ZNF385D: variants seen among roughly 807,000 people sequenced by gnomAD.
ZNF385D encodes zinc finger protein 659.
Under a neutral mutation model 35.8 loss-of-function variants are expected in ZNF385D, and 15 were observed. That is an observed-to-expected ratio of 0.42 (90% CI 0.28 to 0.64). The LOEUF (loss-of-function observed/expected upper bound fraction) is 0.64, where lower values mean the gene tolerates loss of function less well. ZNF385D is among the 30% of genes least tolerant of loss of function. ZNF385D has a pLI of 0.23. For synonymous variants in ZNF385D, 212 were observed against 186.8 expected (o/e 1.13, Z -1.10); for missense variants, 474 against 494.6 (o/e 0.96, Z 0.39).
chr3:21,914,327 T>C (rs1226134049), intron 3 of ZNF385D, among the ~76,000 whole-genome samples: 1 of 151,876 alleles, frequency 6.6e-6, no homozygotes, highest in Non-Finnish European at 1.5e-5. Flanking sequence ...TATCTTCAAA[T>C]GTACTTAAAC....
intron 4 of ZNF385D, among the ~76,000 whole-genome samples, chr3:21,483,955 T>C (rs1212902668): frequency 6.6e-6 from 1 of 152,180 alleles, no homozygotes; most frequent in Non-Finnish European, 1.5e-5. Flanking sequence ...ATTGGCATCA[T>C]TCTTTGTCAG....
intron 3 of ZNF385D, among the ~76,000 whole-genome samples, chr3:21,849,934 G>C (rs1696279839): frequency 6.6e-6 from 1 of 151,924 alleles, no homozygotes; most frequent in African/African-American, 2.4e-5. Context: ...TGTAGGGATA[G>C]GGTCTCACTA....
At chr3:21,423,523 T>TCAGGA (rs1454227114) in intron 7 of ZNF385D, among the ~76,000 whole-genome samples, 4 of 152,152 alleles carry the variant, frequency 2.6e-5, no homozygotes, top group African/African-American at 7.2e-5. Flanking sequence ...AATATCCAGG[T>TCAGGA]CAGGACATTA....
intron 2 of ZNF385D, among the ~76,000 whole-genome samples, chr3:21,582,621 G>A (rs2063699679): frequency 6.6e-6 from 1 of 152,184 alleles, no homozygotes; most frequent in African/African-American, 2.4e-5. Context: ...GAAGGATAAA[G>A]TCAAGGATAT....
chr3:21,539,823 TAAG>T lies in ZNF385D; in HGVS notation c.276+24748_276+24750del, dbSNP rs907299152. ...AGAAATATGGGTTGGCTTGGAGAAATAAGAAATATTTTTACTACAAACACAGCA... is the reference window on the plus strand; with the variant it reads ...AGAAATATGGGTTGGCTTGGAGAAATAAATATTTTTACTACAAACACAGCA... On this transcript the variant is annotated intron_variant, in intron 3 of 7. Coordinates refer to ENST00000281523, the MANE Select transcript of ZNF385D (RefSeq NM_024697.3). The surrounding 1 kb of genome is among the most constrained non-coding windows in gnomAD (Gnocchi z 4.0). Among the ~76,000 whole-genome samples the T allele has an allele frequency of 2.0e-5, 3 of 152,132 alleles. No homozygotes were observed. The highest frequency in any genetic ancestry group is 2.9e-5 in the Non-Finnish European group (2 of 67,994).
chr3:21,561,387 T>A (rs573112627), intron 3 of ZNF385D, among the ~76,000 whole-genome samples: 1 of 152,278 alleles, frequency 6.6e-6, no homozygotes, highest in South Asian at 2.1e-4. Flanking sequence ...CAGCTTCCCT[T>A]GGCTAGGAGA....
At chr3:21,696,680 C>T (rs1189161367) in intron 1 of ZNF385D, among the ~76,000 whole-genome samples, 1 of 152,222 alleles carries the variant, frequency 6.6e-6, no homozygotes, top group African/African-American at 2.4e-5. Flanking sequence ...TGATCATTGT[C>T]CATCAAGCTT....
At chr3:22,290,260 G>A (rs1272287748) in intron 2 of ZNF385D, among the ~76,000 whole-genome samples, 1 of 152,124 alleles carries the variant, frequency 6.6e-6, no homozygotes, top group Non-Finnish European at 1.5e-5. Flanking sequence ...GTGCCTGAAT[G>A]TGCCTCAGCT....
chr3:21,847,649 T>C (rs1696095989), intron 3 of ZNF385D, among the ~76,000 whole-genome samples: 1 of 151,986 alleles, frequency 6.6e-6, no homozygotes. Flanking sequence ...TATTGAGAAA[T>C]TTTTTATATC....
chr3:21,810,755 G>C (rs75592230), intron 3 of ZNF385D, among the ~76,000 whole-genome samples: 1,619 of 151,996 alleles, frequency 0.011, 28 homozygotes, highest in African/African-American at 0.037. Flanking sequence ...AATGGGATTA[G>C]ATGCATATGA....
At chr3:22,216,362 T>C (rs1462450457) in intron 2 of ZNF385D, among the ~76,000 whole-genome samples, 1 of 152,026 alleles carries the variant, frequency 6.6e-6, no homozygotes, top group Non-Finnish European at 1.5e-5. Flanking sequence ...TATGGATAAA[T>C]TGCTATGGGA....
chr3:21,862,480 T>A (rs1029785086), intron 3 of ZNF385D, among the ~76,000 whole-genome samples: 8 of 152,104 alleles, frequency 5.3e-5, no homozygotes, highest in Non-Finnish European at 1.2e-4. Flanking sequence ...TCTTCCATAG[T>A]CATTCCTGGC....
intron 3 of ZNF385D, among the ~76,000 whole-genome samples, chr3:22,162,205 T>C (rs1706002931): frequency 6.6e-6 from 1 of 152,174 alleles, no homozygotes; most frequent in South Asian, 2.1e-4. Flanking sequence ...TGCATATTTC[T>C]TACTGAGACT....
At chr3:21,501,324 C>A (rs1706347258) in intron 4 of ZNF385D, among the ~76,000 whole-genome samples, 1 of 152,190 alleles carries the variant, frequency 6.6e-6, no homozygotes, top group South Asian at 2.1e-4. Flanking sequence ...TTTATCTAAA[C>A]TAGCATGAGG....
intron 1 of ZNF385D, among the ~76,000 whole-genome samples, chr3:21,697,383 G>C (rs957517573): frequency 2.6e-5 from 4 of 152,090 alleles, no homozygotes; most frequent in Admixed American, 1.3e-4. Context: ...CTTTATCTCT[G>C]ACAATAAAAA....
intron 2 of ZNF385D, among the ~76,000 whole-genome samples, chr3:21,613,846 C>G (rs2064762096): frequency 6.6e-6 from 1 of 152,332 alleles, no homozygotes; most frequent in East Asian, 1.9e-4. Context: ...ATCACTGCCA[C>G]ATATTATAAG....
At chr3:21,868,860 C>A (rs1697529318) in intron 3 of ZNF385D, among the ~76,000 whole-genome samples, 1 of 152,048 alleles carries the variant, frequency 6.6e-6, no homozygotes, top group South Asian at 2.1e-4. Context: ...GACATGTTAT[C>A]CATCTGTTAC....
At chr3:22,208,287 C>T (rs923396844) in intron 2 of ZNF385D, among the ~76,000 whole-genome samples, 1 of 151,800 alleles carries the variant, frequency 6.6e-6, no homozygotes, top group Non-Finnish European at 1.5e-5. Context: ...TCATTTGCAA[C>T]AACATGGATG....
chr3:21,980,829 T>C (rs575212913), intron 3 of ZNF385D, among the ~76,000 whole-genome samples: 1 of 152,320 alleles, frequency 6.6e-6, no homozygotes, highest in East Asian at 1.9e-4. Flanking sequence ...TGGTTTTCTG[T>C]TCTTGAGTTA....
Sources: allele counts gnomAD v4.1 joint callset (sites outside exome capture counted in the v4.1 genomes callset), GRCh38; gene constraint gnomAD v4.1.1; non-coding constraint Gnocchi (gnomAD v3.1); transcripts MANE v1.5; gene names NCBI Gene and HGNC (gene_info 2026-07-23, HGNC 2026-07-21).